Variants in PARD3B observed in about 807,000 individuals in gnomAD.
PARD3B encodes partitioning defective 3 homolog B.
Under a neutral mutation model 130.2 loss-of-function variants are expected in PARD3B, and 103 were observed. That is an observed-to-expected ratio of 0.79 (90% CI 0.67 to 0.93). The LOEUF is 0.93. PARD3B is among the 40% of genes least tolerant of loss of function. The pLI is 0.00. For synonymous variants in PARD3B, 583 were observed against 553.2 expected (o/e 1.05, Z -0.76); for missense variants, 1,609 against 1,499.2 (o/e 1.07, Z -1.21).
chr2:204,722,692 G>A (rs1308243962), intron 2 of PARD3B, among the ~76,000 whole-genome samples: 7 of 152,124 alleles, frequency 4.6e-5, no homozygotes, highest in East Asian at 1.9e-4. Flanking sequence ...TTGTTAATAA[G>A]GAAGGAGAAA....
intron 1 of PARD3B, among the ~76,000 whole-genome samples, chr2:204,679,117 C>T (rs2036700563): frequency 6.6e-6 from 1 of 152,194 alleles, no homozygotes; most frequent in African/African-American, 2.4e-5. Flanking sequence ...CATGTTGTCG[C>T]ATAAACTTGT....
At chr2:204,738,440 T>TA (rs1559103604) in intron 2 of PARD3B, among the ~76,000 whole-genome samples, 2 of 152,236 alleles carry the variant, frequency 1.3e-5, no homozygotes, top group Non-Finnish European at 2.9e-5. Flanking sequence ...AATGTGGAAC[T>TA]AATGAGATTG....
intron 2 of PARD3B, among the ~76,000 whole-genome samples, chr2:204,834,474 A>T (rs2043956197): frequency 6.6e-6 from 1 of 152,258 alleles, no homozygotes; most frequent in Non-Finnish European, 1.5e-5. Context: ...GAGCTACATT[A>T]TAATGGTATT....
intron 2 of PARD3B, among the ~76,000 whole-genome samples, chr2:204,870,077 G>T (rs1464838475): frequency 6.6e-6 from 1 of 152,056 alleles, no homozygotes; most frequent in Non-Finnish European, 1.5e-5. Context: ...AGTGAAACAG[G>T]TATTTGTTTT....
rs950335524 is a variant in PARD3B at position 205,407,022 on chromosome 2, T to G, written c.2741+5899T>G. Among the ~76,000 whole-genome samples the G allele has an allele frequency of 6.6e-6, 1 of 152,200 alleles. No individual in the cohort carries two copies. The highest frequency in any genetic ancestry group is 2.4e-5 in the African/African-American group (1 of 41,458). On this transcript the variant is annotated intron_variant, in intron 19 of 22. Coordinates refer to ENST00000406610, the MANE Select transcript of PARD3B (RefSeq NM_001302769.2). The surrounding 1 kb of genome is among the most constrained non-coding windows in gnomAD (Gnocchi z 4.1). ...CCTTAGATGATCTCTGGGGTTCTTT[T>G]CAGATATTCCAGTATGAGAAATATC...
intron 20 of PARD3B, among the ~76,000 whole-genome samples, chr2:205,478,480 A>G (rs2049106167): frequency 6.6e-6 from 1 of 152,048 alleles, no homozygotes; most frequent in Non-Finnish European, 1.5e-5. Flanking sequence ...CTTATTCCTA[A>G]CGTCATAGTC....
chr2:205,168,659 C>CT (rs541871516), intron 11 of PARD3B, among the ~76,000 whole-genome samples: 4,023 of 132,970 alleles, frequency 0.03, 115 homozygotes, highest in African/African-American at 0.08. Flanking sequence ...GGTAGACAGC[C>CT]TTTTTTTTTT....
intron 1 of PARD3B, among the ~76,000 whole-genome samples, chr2:204,628,551 A>G (rs563106236): frequency 2.6e-4 from 39 of 152,304 alleles, no homozygotes; most frequent in African/African-American, 9.4e-4. Context: ...TTAAGTGATC[A>G]GTTAGCAATG....
chr2:204,971,577 T>C (rs1296078330), intron 3 of PARD3B, among the ~76,000 whole-genome samples: 1 of 152,148 alleles, frequency 6.6e-6, no homozygotes, highest in East Asian at 1.9e-4. Flanking sequence ...AGTTATAGAA[T>C]AGTTTTTCTT....
Position 205,235,225 on chromosome 2 carries a change from A to G in PARD3B, c.2141-10553A>G, listed in dbSNP as rs141748449. 6.4e-3 allele frequency among the ~76,000 whole-genome samples: 977 copies of G among 152,254 alleles called. 13 individuals are homozygous for G. The highest frequency in any genetic ancestry group is 0.022 in the African/African-American group (921 of 41,536). On this transcript the variant is annotated intron_variant, in intron 15 of 22. Transcript: ENST00000406610. ...CATTTGAGCGTAGGAGTTTGAGACC[A>G]GCCTGGGCAACATGACTAGACCCCA...
intron 18 of PARD3B, among the ~76,000 whole-genome samples, chr2:205,390,866 G>T (rs2105977131): frequency 6.6e-6 from 1 of 152,344 alleles, no homozygotes; most frequent in African/African-American, 2.4e-5. Flanking sequence ...AGTTGTATTT[G>T]ATGTTTTATT....
chr2:204,918,548 T>A (rs940577506), intron 2 of PARD3B, among the ~76,000 whole-genome samples: 25 of 146,688 alleles, frequency 1.7e-4, no homozygotes, highest in Non-Finnish European at 3.1e-4. Context: ...GAGAATGGCG[T>A]GAACCCGGGA....
chr2:205,459,191 A>T (rs2048368514), intron 20 of PARD3B, among the ~76,000 whole-genome samples: 1 of 152,154 alleles, frequency 6.6e-6, no homozygotes, highest in Non-Finnish European at 1.5e-5. Context: ...GCCACAGAAT[A>T]TTGGGCTCAG....
At chr2:205,079,140 A>G (rs1337162600) in intron 4 of PARD3B, among the ~76,000 whole-genome samples, 1 of 152,248 alleles carries the variant, frequency 6.6e-6, no homozygotes, top group African/African-American at 2.4e-5. Context: ...TTTGCTATGC[A>G]GCAATAACGA....
At chr2:205,482,119 G>A (rs2049260657) in intron 20 of PARD3B, among the ~76,000 whole-genome samples, 1 of 152,174 alleles carries the variant, frequency 6.6e-6, no homozygotes, top group African/African-American at 2.4e-5. Context: ...TATATGAAAT[G>A]CGAGGGAATA....
intron 3 of PARD3B, among the ~76,000 whole-genome samples, chr2:204,978,108 C>A (rs1692350568): frequency 6.6e-6 from 1 of 152,150 alleles, no homozygotes; most frequent in African/African-American, 2.4e-5. Flanking sequence ...AAATGGTCTT[C>A]AGAAGGCACT....
intron 2 of PARD3B, among the ~76,000 whole-genome samples, chr2:204,962,761 G>A (rs1690861485): frequency 6.6e-6 from 1 of 152,142 alleles, no homozygotes; most frequent in Non-Finnish European, 1.5e-5. Context: ...TGGATGCAGA[G>A]TCTCTGTTCA....
chr2:204,690,045 A>C (rs1472172540), intron 2 of PARD3B, among the ~76,000 whole-genome samples: 1 of 152,178 alleles, frequency 6.6e-6, no homozygotes, highest in East Asian at 1.9e-4. Context: ...CATATTTAAT[A>C]TATTTCAACC....
intron 2 of PARD3B, among the ~76,000 whole-genome samples, chr2:204,801,485 G>A (rs1406827931): frequency 6.6e-6 from 1 of 152,142 alleles, no homozygotes; most frequent in Non-Finnish European, 1.5e-5. Context: ...AATTGTGAAT[G>A]GGAGTTCACT....
Sources: allele counts gnomAD v4.1 joint callset (sites outside exome capture counted in the v4.1 genomes callset), GRCh38; gene constraint gnomAD v4.1.1; non-coding constraint Gnocchi (gnomAD v3.1); transcripts MANE v1.5; gene names NCBI Gene and HGNC (gene_info 2026-07-23, HGNC 2026-07-21).